Variants in LYPD3 observed in about 807,000 individuals in gnomAD.
LYPD3 encodes the protein LY6/PLAUR domain containing 3, also known as ly6/PLAUR domain-containing protein 3.
A neutral mutation model predicts 21.7 loss-of-function variants in LYPD3; 22 were observed. The observed-to-expected ratio is 1.01, with a 90% CI of 0.72 to 1.45. The LOEUF (loss-of-function observed/expected upper bound fraction) is 1.45. Ranked by LOEUF, LYPD3 falls within the 40% of genes most tolerant of loss-of-function variation. The probability of loss-of-function intolerance (pLI) is 0.00; values close to 1 mark genes in which losing one functional copy is unlikely to be tolerated. For missense variants in LYPD3, 471 were observed against 466.9 expected (o/e 1.01, Z -0.08); for synonymous variants, 179 against 203.0 (o/e 0.88, Z 1.00).
chr19:43,464,211 GA>G, intron 2 of LYPD3, 113 bp downstream of exon 2: 1 of 1,374,406 alleles, frequency 7.3e-7, no homozygotes, highest in South Asian at 1.4e-5. Context: ...GGCTGAAAGG[GA>G]GGGGTGGGGC....
In LYPD3 at chr19:43,464,446, G is replaced by A. The variant is rs1319134967; in HGVS notation, c.90C>T (p.Ala30=). 1 of 1,614,050 alleles carries A rather than the reference G, an allele frequency of 6.2e-7. No homozygotes were observed. Among genetic ancestry groups the A allele is most frequent in the South Asian group, 1.1e-5 (1 of 91,080 alleles). The part of the protein sequence containing the change: ...LLLLLRGGAQ[A]LECYSCVQKA... ...TCTGCACGCAGCTGTAGCACTCCAG[G>A]GCCTGCGCTCCTGGGGGAGCGGAGC... Residue 30 remains alanine (A), a synonymous_variant, in exon 2 of 5, where the codon GCC becomes GCT. Coordinates refer to ENST00000244333, the MANE Select transcript of LYPD3 (RefSeq NM_014400.3).
intron 3 of LYPD3, 64 bp from the exon 4 acceptor site, chr19:43,463,351 T>C: frequency 1.3e-6 from 2 of 1,557,918 alleles, no homozygotes; most frequent in South Asian, 1.1e-5. Flanking sequence ...GCTCGTCCTC[T>C]AGCCCCGCCC....
chr19:43,465,410 G>A, intron 1 of LYPD3, 83 bp downstream of exon 1: 1 of 1,482,366 alleles, frequency 6.7e-7, no homozygotes, highest in Non-Finnish European at 9.2e-7. Context: ...CCTTCCCACA[G>A]CCTTCTCTGT....
intron 2 of LYPD3, 93 bp from the exon 3 acceptor site, chr19:43,463,862 T>C (rs1599922788): frequency 8.0e-7 from 1 of 1,248,650 alleles, no homozygotes; most frequent in Non-Finnish European, 1.1e-6. Flanking sequence ...GGGCGGGGCC[T>C]CAAATAGGCC....
Position 43,461,509 on chromosome 19 carries a change from T to C in LYPD3, c.883A>G (p.Arg295Gly). Residue 295 changes from arginine (R) to glycine (G), a missense_variant, in exon 5 of 5, where the codon AGG (arginine) becomes GGG (glycine). Transcript: ENST00000244333. The stretch of plus-strand genomic sequence containing the variant: ...TGGCCAGCGGCGCCTCCAGTCAACC[T>C]GGGCTCCTCATCCCGGGAGGCCTCG... The part of the protein sequence containing the change: ...EHEASRDEEP[R>G]LTGGAAGHQD... 6.2e-7 allele frequency: 1 copy of C among 1,614,112 alleles called. No individual in the cohort carries two copies. The highest frequency in any genetic ancestry group is 8.5e-7 in the Non-Finnish European group (1 of 1,180,006).
Position 43,464,416 on chromosome 19 carries a change from T to A in LYPD3, c.120A>T (p.Ala40=). 1 of 1,614,180 alleles carries A rather than the reference T, an allele frequency of 6.2e-7. No homozygotes were observed. The highest frequency in any genetic ancestry group is 8.5e-7 in the Non-Finnish European group (1 of 1,180,040). ...ALECYSCVQK[A]DDGCSPNKMK... ...TCTTGTTCGGGGAGCATCCGTCATC[T>A]GCTTTCTGCACGCAGCTGTAGCACT... The change falls in exon 2 of 5, where the codon GCA becomes GCT. Residue 40 remains alanine (A), a synonymous_variant. Transcript: ENST00000244333.
At position 43,464,320 on chromosome 19, in the gene LYPD3, C is replaced by G; in HGVS notation, c.211+5G>C. Reference sequence around the variant, plus strand: ...GGTGTGCGTGGCCCGGGGGTCCCCACTCACTGGTCTCCACCGCCCCCACGG... The same window carrying G: ...GGTGTGCGTGGCCCGGGGGTCCCCAGTCACTGGTCTCCACCGCCCCCACGG... On this transcript the variant is annotated splice_donor_5th_base_variant and intron_variant, in intron 2 of 4. Coordinates refer to ENST00000244333, the MANE Select transcript of LYPD3 (RefSeq NM_014400.3). 1 of 1,601,656 alleles carries G rather than the reference C, an allele frequency of 6.2e-7. No homozygotes were observed. The highest frequency in any genetic ancestry group is 8.5e-7 in the Non-Finnish European group (1 of 1,174,868).
At chr19:43,461,937 G>A (rs1410757318) in intron 4 of LYPD3, 90 bp from the exon 5 acceptor site, 7 of 1,443,148 alleles carry the variant, frequency 4.9e-6, no homozygotes, top group Non-Finnish European at 6.6e-6. Context: ...GACAAGAACA[G>A]AGAACCTGAC....
Position 43,461,109 on chromosome 19 carries a change from C to A in LYPD3, c.*242G>T. The A allele has an allele frequency of 1.9e-6, 1 of 521,166 alleles. No homozygotes were observed. The allele number at this position is 521,166 out of a possible 1,614,324, so 32.3% of individuals were successfully genotyped here. On this transcript the variant is annotated 3_prime_UTR_variant, in exon 5 of 5. Coordinates refer to ENST00000244333, the MANE Select transcript of LYPD3 (RefSeq NM_014400.3). ...CATCACAAGAGGACAAGCGGAGAGA[C>A]AAGGATGAGAAGGATACAGGAGCTG...
chr19:43,461,605 C>A lies in LYPD3; in HGVS notation c.787G>T (p.Val263Leu). 1 of 1,614,144 alleles carries A rather than the reference C, an allele frequency of 6.2e-7. No individual in the cohort carries two copies. Among genetic ancestry groups the A allele is most frequent in the Non-Finnish European group, 8.5e-7 (1 of 1,180,022 alleles). The change falls in exon 5 of 5, where the codon GTG (valine) becomes TTG (leucine). Residue 263 changes from valine (V) to leucine (L), a missense_variant. Coordinates refer to ENST00000244333, the MANE Select transcript of LYPD3 (RefSeq NM_014400.3). ...GGTTTGGTGGTGGATGTGGGTCTCA[C>A]TGGGGCCGAGGTAGAAGTGGTGACA... ...TSVTTSTSAP[V>L]RPTSTTKPMP...
At chr19:43,462,104 T>C (rs1169941922) in intron 4 of LYPD3, among the ~76,000 whole-genome samples, 1 of 151,694 alleles carries the variant, frequency 6.6e-6, no homozygotes, top group East Asian at 1.9e-4. Flanking sequence ...AATCCCAAAA[T>C]CTCAACTCAG....
chr19:43,465,604 GAT>G lies in LYPD3; in HGVS notation c.-35_-34del. The stretch of plus-strand genomic sequence containing the variant: ...TCCTGCTCCCTTGGCGTCCCCCCTG[GAT>G]GTGCCGCCTCCGAGCTCGGGCCCTC... On this transcript the variant is annotated 5_prime_UTR_variant, in exon 1 of 5. Transcript: ENST00000244333. 6.3e-7 allele frequency: 1 copy of G among 1,599,760 alleles called. No homozygotes were observed.
intron 2 of LYPD3, 24 bp downstream of exon 2, chr19:43,464,301 C>T (rs556646360): frequency 1.6e-5 from 25 of 1,582,840 alleles, no homozygotes; most frequent in African/African-American, 1.3e-5. Flanking sequence ...CAGTGGTGTG[C>T]GTGGCCCGGG....
rs961174766 is a variant in LYPD3, at chr19:43,464,142, C to T, written c.211+183G>A. On this transcript the variant is annotated intron_variant, in intron 2 of 4. Coordinates refer to ENST00000244333, the MANE Select transcript of LYPD3 (RefSeq NM_014400.3). ...AGTTCTCAACTCTCTGCTCCTCGCG[C>T]TTGTAATTGTTAATAGAGAAGGCCT... 14 of 853,470 alleles carry T rather than the reference C, an allele frequency of 1.6e-5. No individual in the cohort carries two copies. In the African/African-American group the frequency reaches 2.2e-4, roughly 14 times the overall value. 52.9% of individuals were successfully genotyped at this position (853,470 alleles called of 1,614,324 possible).
chr19:43,463,124 A>AC lies in LYPD3; in HGVS notation c.544+1dup. 6.2e-7 allele frequency: 1 copy of AC among 1,611,508 alleles called. No homozygotes were observed. Among genetic ancestry groups the AC allele is most frequent in the South Asian group, 1.1e-5 (1 of 91,072 alleles). ...AGGTCCCGTGCTCCGGGGCTCCCTC[A>AC]CCTGCCGTCAAGGTGACGTTGCCGT... On this transcript the variant is annotated splice_donor_variant, in intron 4 of 4. Coordinates refer to ENST00000244333, the MANE Select transcript of LYPD3 (RefSeq NM_014400.3). LOFTEE classifies it high-confidence loss of function.
In LYPD3 at chr19:43,465,595, T is replaced by C. The variant is rs749460144; in HGVS notation, c.-24A>G. 3.1e-6 allele frequency: 5 copies of C among 1,603,130 alleles called. No homozygotes were observed. The highest frequency in any genetic ancestry group is 4.2e-6 in the Non-Finnish European group (5 of 1,176,646). On this transcript the variant is annotated 5_prime_UTR_variant, in exon 1 of 5. Transcript: ENST00000244333. Reference sequence around the variant, plus strand: ...ATGGCTCCGTCCTGCTCCCTTGGCGTCCCCCCTGGATGTGCCGCCTCCGAG... The same window carrying C: ...ATGGCTCCGTCCTGCTCCCTTGGCGCCCCCCCTGGATGTGCCGCCTCCGAG...
intron 4 of LYPD3, 88 bp downstream of exon 4, chr19:43,463,038 G>T: frequency 4.8e-6 from 7 of 1,449,612 alleles, no homozygotes; most frequent in Non-Finnish European, 5.7e-6. Context: ...TTAAGGAAAC[G>T]CTTTGGGTAA....
Position 43,463,598 on chromosome 19 carries a change from C to T in LYPD3, c.382+1G>A. 1 of 1,600,282 alleles carries T rather than the reference C, an allele frequency of 6.2e-7. No homozygotes were observed. Among genetic ancestry groups the T allele is most frequent in the Non-Finnish European group, 8.5e-7 (1 of 1,179,602 alleles). On this transcript the variant is annotated splice_donor_variant, in intron 3 of 4. Coordinates refer to ENST00000244333, the MANE Select transcript of LYPD3 (RefSeq NM_014400.3). LOFTEE classifies it high-confidence loss of function. ...GCAGCTACGGCCCGGCCCCCACGGA[C>T]CTGCCGGGTCGAGCGCCCGCGAGGT...
intron 2 of LYPD3, 38 bp from the exon 3 acceptor site, chr19:43,463,807 T>C: frequency 6.2e-7 from 1 of 1,602,782 alleles, no homozygotes; most frequent in South Asian, 1.1e-5. Context: ...GCTGTGGGCG[T>C]GGTCTCAGAT....
Sources: gnomAD v4.1 joint callset for allele counts (sites outside exome capture counted in the v4.1 genomes callset) on GRCh38, gnomAD v4.1.1 for gene constraint, MANE v1.5 for transcripts, NCBI Gene and HGNC (gene_info 2026-07-23, HGNC 2026-07-21) for gene names.